The following ANKRD13C variants were observed in gnomAD, a reference collection of about 807,000 sequenced individuals.
ANKRD13C encodes ankyrin repeat domain-containing protein 13C.
A neutral mutation model predicts 65.5 loss-of-function variants in ANKRD13C; 16 were observed. The ratio of observed to expected loss-of-function variants is 0.24; its 90% CI spans 0.17 to 0.37. ANKRD13C has a LOEUF of 0.37. ANKRD13C is among the 10% of genes least tolerant of loss of function. The pLI is 1.00. For missense variants in ANKRD13C, 503 were observed against 655.9 expected, an observed-to-expected ratio of 0.77 and a Z score of 2.55; for synonymous variants, 235 against 238.7, an observed-to-expected ratio of 0.98 and a Z score of 0.14.
At chr1:70,293,657 T>C in intron 8 of ANKRD13C, 1 of 629,318 alleles carries the variant, frequency 1.6e-6, no homozygotes, top group Non-Finnish European at 2.0e-6. Flanking sequence ...AATAAGACTT[T>C]AAAGCCAACA....
intron 1 of ANKRD13C, among the ~76,000 whole-genome samples, chr1:70,337,902 C>G (rs1254376531): frequency 6.6e-6 from 1 of 152,130 alleles, no homozygotes; most frequent in African/African-American, 2.4e-5. Flanking sequence ...GAGTTCAAGA[C>G]CAGCCTGACC....
At chr1:70,345,661 A>G (rs987255715) in intron 1 of ANKRD13C, among the ~76,000 whole-genome samples, 1 of 152,182 alleles carries the variant, frequency 6.6e-6, no homozygotes, top group Non-Finnish European at 1.5e-5. Flanking sequence ...GTATTTGGCA[A>G]TATCACCTCC....
At chr1:70,291,991 G>A (rs1167986483) in intron 9 of ANKRD13C, among the ~76,000 whole-genome samples, 2 of 151,124 alleles carry the variant, frequency 1.3e-5, no homozygotes, top group East Asian at 2.0e-4. Context: ...TGGTAGCAGG[G>A]CCTGTAATCC....
Position 70,261,883 on chromosome 1 carries a change from G to A in ANKRD13C, c.*834C>T, listed in dbSNP as rs1678402641. On this transcript the variant is annotated 3_prime_UTR_variant, in exon 13 of 13. Transcript: ENST00000370944. ...TTTTTTTTTAAAGTGCTGAGATTTG[G>A]AAGAGGAATATCTTTAAACATGCTA... The A allele has an allele frequency of 6.6e-6, 1 of 151,614 alleles. No homozygotes were observed. Among genetic ancestry groups the A allele is most frequent in the Non-Finnish European group, 1.5e-5 (1 of 67,826 alleles). The allele number at this position is 151,614 out of a possible 1,614,324, so 9.4% of individuals were successfully genotyped here. A position where few individuals can be genotyped will look rare whatever the true frequency, so the allele number is the denominator to read the frequency against.
At chr1:70,340,883 C>G (rs1159920940) in intron 1 of ANKRD13C, among the ~76,000 whole-genome samples, 5 of 152,108 alleles carry the variant, frequency 3.3e-5, no homozygotes, top group Non-Finnish European at 7.3e-5. Context: ...GAGGCCGAGG[C>G]AGATGGATCA....
chr1:70,310,902 G>A (rs1680819302), intron 5 of ANKRD13C, among the ~76,000 whole-genome samples: 1 of 152,088 alleles, frequency 6.6e-6, no homozygotes, highest in African/African-American at 2.4e-5. Context: ...CTATAAACCT[G>A]TTTTTCTATG....
rs528415029 is a variant in ANKRD13C, at chr1:70,319,476, G to A, written c.578-3910C>T. Among the ~76,000 whole-genome samples, 38 of 151,942 alleles carry A rather than the reference G, an allele frequency of 2.5e-4. No homozygotes were observed. In the South Asian group the frequency reaches 7.9e-3, roughly 32 times the overall value. On this transcript the variant is annotated intron_variant, in intron 3 of 12. Coordinates refer to ENST00000370944, the MANE Select transcript of ANKRD13C (RefSeq NM_030816.5). The stretch of plus-strand genomic sequence containing the variant: ...CAAAAAATTAGCTGGGTGTGGTGGC[G>A]GGTGCCTGTAATCTCAGCTACTCGG...
At chr1:70,337,708 T>A (rs1340528746) in intron 1 of ANKRD13C, among the ~76,000 whole-genome samples, 1 of 152,024 alleles carries the variant, frequency 6.6e-6, no homozygotes, top group Non-Finnish European at 1.5e-5. Context: ...CAAGACAGAT[T>A]TGGAGATATA....
In ANKRD13C at chr1:70,350,317, CGAT is replaced by C. The variant is rs761089314; in HGVS notation, c.430+3659_430+3661del. On this transcript the variant is annotated intron_variant, in intron 1 of 12. Coordinates refer to ENST00000370944, the MANE Select transcript of ANKRD13C (RefSeq NM_030816.5). ...GAATTAACAAACAAGTTCTACTAAACGATGATGATGAAGATTTTCATTTACTTA... is the reference window on the plus strand; with the variant it reads ...GAATTAACAAACAAGTTCTACTAAACGATGATGAAGATTTTCATTTACTTA... Among the ~76,000 whole-genome samples, 190 of 152,264 alleles carry C rather than the reference CGAT, an allele frequency of 1.2e-3. No individual in the cohort carries two copies. The Middle Eastern group carries it at 0.017, about 14-fold the overall frequency.
intron 7 of ANKRD13C, among the ~76,000 whole-genome samples, chr1:70,297,403 C>T (rs112854073): frequency 0.011 from 1,707 of 149,416 alleles, 18 homozygotes; most frequent in Non-Finnish European, 0.018. Flanking sequence ...ACACCATTCT[C>T]CTGCCTCAGC....
chr1:70,352,842 T>G (rs772701147), intron 1 of ANKRD13C, among the ~76,000 whole-genome samples: 17 of 152,220 alleles, frequency 1.1e-4, no homozygotes, highest in African/African-American at 1.7e-4. Flanking sequence ...AGGTGGTGAT[T>G]TTATTACAAT....
chr1:70,321,263 A>G (rs889979657), intron 3 of ANKRD13C, among the ~76,000 whole-genome samples: 1 of 152,224 alleles, frequency 6.6e-6, no homozygotes, highest in Non-Finnish European at 1.5e-5. Flanking sequence ...AAAATTAATT[A>G]GAAGTATGCA....
At chr1:70,273,216 A>G (rs1252351892) in intron 11 of ANKRD13C, among the ~76,000 whole-genome samples, 4 of 152,086 alleles carry the variant, frequency 2.6e-5, no homozygotes, top group African/African-American at 7.2e-5. Context: ...GTATGTATGT[A>G]CTTTTTAAAA....
In ANKRD13C at chr1:70,313,674, A is replaced by G. The variant is rs567321402; in HGVS notation, c.709+71T>C. The G allele has an allele frequency of 1.0e-3, 1,137 of 1,129,744 alleles. 2 individuals carry two copies. The highest frequency in any genetic ancestry group is 1.4e-3 in the Non-Finnish European group (1,071 of 761,078). 70.0% of individuals were successfully genotyped at this position (1,129,744 alleles called of 1,614,324 possible). ...AAATTTGTTATCCTAACATTTCTATATGATAGGTATTTTTGTACTTGCATT... is the reference window on the plus strand; with the variant it reads ...AAATTTGTTATCCTAACATTTCTATGTGATAGGTATTTTTGTACTTGCATT... On this transcript the variant is annotated intron_variant, in intron 5 of 12. Transcript: ENST00000370944.
At chr1:70,263,118 G>A (rs2101087300) in intron 12 of ANKRD13C, among the ~76,000 whole-genome samples, 1 of 152,106 alleles carries the variant, frequency 6.6e-6, no homozygotes, top group Non-Finnish European at 1.5e-5. Flanking sequence ...AGAATATAAT[G>A]CCAGATTCTA....
At chr1:70,271,663 T>C (rs1277681747) in intron 11 of ANKRD13C, among the ~76,000 whole-genome samples, 2 of 152,214 alleles carry the variant, frequency 1.3e-5, no homozygotes, top group African/African-American at 2.4e-5. Flanking sequence ...ATCCCTTTTC[T>C]GCCCGGATGC....
At chr1:70,315,389 G>C (rs1347801981) in intron 4 of ANKRD13C, 92 bp downstream of exon 4, 1 of 1,084,042 alleles carries the variant, frequency 9.2e-7, no homozygotes, top group Non-Finnish European at 1.3e-6. Flanking sequence ...CCCCTAATAA[G>C]TGAGAATTTA....
chr1:70,295,708 C>T (rs1680054023), intron 8 of ANKRD13C, among the ~76,000 whole-genome samples: 1 of 151,848 alleles, frequency 6.6e-6, no homozygotes, highest in Non-Finnish European at 1.5e-5. Context: ...TAATCTTACT[C>T]ATATGTATAG....
At chr1:70,288,040 C>T (rs1310754732) in intron 9 of ANKRD13C, among the ~76,000 whole-genome samples, 1 of 151,922 alleles carries the variant, frequency 6.6e-6, no homozygotes, top group African/African-American at 2.4e-5. Context: ...ACTTTGAAAA[C>T]TCAACAGTAA....
Sources: allele counts gnomAD v4.1 joint callset (sites outside exome capture counted in the v4.1 genomes callset), GRCh38; gene constraint gnomAD v4.1.1; transcripts MANE v1.5; gene names NCBI Gene and HGNC (gene_info 2026-07-23, HGNC 2026-07-21).